KAT6A: variants seen among roughly 807,000 people sequenced by gnomAD.
KAT6A encodes the protein histone acetyltransferase KAT6A.
In KAT6A, 9 loss-of-function variants were observed where a neutral mutation model predicts 198.4. That is an observed-to-expected ratio of 0.05 (90% CI 0.03 to 0.08). The LOEUF is 0.08. KAT6A is among the 10% of genes least tolerant of loss of function. The pLI is 1.00. For synonymous variants in KAT6A, 890 were observed against 883.0 expected (o/e 1.01, Z -0.14); for missense variants, 2,077 against 2,509.9 (o/e 0.83, Z 3.69).
At position 41,967,462 on chromosome 8, in the gene KAT6A, A is replaced by G. The variant is rs1042300421; in HGVS notation, c.1482+7242T>C. Among the ~76,000 whole-genome samples the G allele has an allele frequency of 1.2e-4, 11 of 92,274 alleles. 1 individual carries two copies. The Admixed American group carries it at 1.7e-3, about 14-fold the overall frequency. The allele number at this position is 92,274 out of a possible 152,430, so 60.5% of individuals were successfully genotyped here. On this transcript the variant is annotated intron_variant, in intron 8 of 16. Coordinates refer to ENST00000265713, the MANE Select transcript of KAT6A (RefSeq NM_006766.5). ...CCCTCCTCCCTCCCCCCACCCCACA[A>G]CAGTCCTCAGAGTGTGATGTTCCCC...
At chr8:41,937,608 C>A (rs1246713622) in intron 15 of KAT6A, 40 bp from the exon 16 acceptor site, 2 of 1,417,330 alleles carry the variant, frequency 1.4e-6, no homozygotes, top group Admixed American at 2.2e-5. Context: ...GTTATGAACA[C>A]TATCTTTTCT....
chr8:42,034,707 T>C (rs1433488648), intron 2 of KAT6A, among the ~76,000 whole-genome samples: 1 of 152,184 alleles, frequency 6.6e-6, no homozygotes, highest in Non-Finnish European at 1.5e-5. Flanking sequence ...ACTGGCCATA[T>C]TGCAAGAGCT....
intron 8 of KAT6A, among the ~76,000 whole-genome samples, chr8:41,968,691 C>T (rs1172971670): frequency 6.6e-6 from 1 of 152,164 alleles, no homozygotes; most frequent in Non-Finnish European, 1.5e-5. Flanking sequence ...CTTCTTTCTA[C>T]TGACAGAGTC....
At chr8:41,939,754 G>A (rs1822013762) in intron 15 of KAT6A, among the ~76,000 whole-genome samples, 1 of 152,154 alleles carries the variant, frequency 6.6e-6, no homozygotes, top group South Asian at 2.1e-4. Flanking sequence ...GGAACCTAAA[G>A]ACACATGACT....
intron 8 of KAT6A, among the ~76,000 whole-genome samples, chr8:41,958,573 C>T (rs952855691): frequency 1.3e-5 from 2 of 152,100 alleles, no homozygotes; most frequent in African/African-American, 4.8e-5. Flanking sequence ...GCTACAAGTC[C>T]ACAAACTTTT....
chr8:42,036,436 C>T (rs543284328), intron 2 of KAT6A, among the ~76,000 whole-genome samples: 1 of 152,064 alleles, frequency 6.6e-6, no homozygotes, highest in African/African-American at 2.4e-5. Flanking sequence ...CATGATGAAA[C>T]CCCGTCTCCA....
intron 8 of KAT6A, among the ~76,000 whole-genome samples, chr8:41,970,298 T>C (rs1204262487): frequency 1.3e-5 from 2 of 152,174 alleles, no homozygotes; most frequent in African/African-American, 4.8e-5. Context: ...AGCTGTTTAT[T>C]TCCTTGGTGC....
Position 41,977,172 on chromosome 8 carries a change from A to C in KAT6A, c.1199T>G (p.Leu400Trp). The C allele has an allele frequency of 2.5e-6, 4 of 1,614,164 alleles. No individual in the cohort carries two copies. The highest frequency in any genetic ancestry group is 3.4e-6 in the Non-Finnish European group (4 of 1,180,010). ...CCCTTTGGTTTTCTTGTTGAACTTC[A>C]AGGAGACATTGCTATCTCTGCAGAA... Reference protein sequence around the residue: ...LDFCRDSNVSLKFNKKTKGLI... With the variant: ...LDFCRDSNVSWKFNKKTKGLI... Residue 400 changes from leucine (L) to tryptophan (W), a missense_variant, in exon 7 of 17, where the codon TTG (leucine) becomes TGG (tryptophan). By Grantham distance (61) the Leu-to-Trp change is moderately conservative (BLOSUM62 -2). Coordinates refer to ENST00000265713, the MANE Select transcript of KAT6A (RefSeq NM_006766.5).
intron 8 of KAT6A, chr8:41,958,177 G>C (rs540378204): frequency 6.6e-6 from 1 of 152,208 alleles, no homozygotes; most frequent in Non-Finnish European, 1.5e-5. Flanking sequence ...CATGATGAAA[G>C]AGGTATGAAA....
At chr8:41,981,011 G>C (rs2150889301) in intron 4 of KAT6A, 84 bp from the exon 5 acceptor site, 1 of 940,858 alleles carries the variant, frequency 1.1e-6, no homozygotes, top group South Asian at 1.3e-5. Flanking sequence ...AACCTAGAAA[G>C]CTTCAGGGAT....
chr8:41,982,566 A>T (rs1824414059), intron 3 of KAT6A, among the ~76,000 whole-genome samples: 1 of 152,186 alleles, frequency 6.6e-6, no homozygotes, highest in African/African-American at 2.4e-5. Flanking sequence ...TTTAAGCCGC[A>T]CACTGTTCTG....
At chr8:42,014,609 G>A (rs1236742939) in intron 2 of KAT6A, among the ~76,000 whole-genome samples, 1 of 152,152 alleles carries the variant, frequency 6.6e-6, no homozygotes, top group Non-Finnish European at 1.5e-5. Flanking sequence ...GGGGCAGCAG[G>A]TTACAGCAAT....
chr8:42,018,097 T>A (rs1014816626), intron 2 of KAT6A, among the ~76,000 whole-genome samples: 54 of 152,222 alleles, frequency 3.5e-4, no homozygotes, highest in Admixed American at 3.5e-3. Flanking sequence ...CAGTATTTAA[T>A]GTCACCTTTC....
At chr8:41,935,258 C>T (rs1240328402) in intron 16 of KAT6A, among the ~76,000 whole-genome samples, 1 of 152,146 alleles carries the variant, frequency 6.6e-6, no homozygotes, top group African/African-American at 2.4e-5. Flanking sequence ...GTTGTCTCTA[C>T]TAAAAGTTAC....
chr8:41,974,080 ATT>A (rs796541449), intron 8 of KAT6A, among the ~76,000 whole-genome samples: 1 of 146,392 alleles, frequency 6.8e-6, no homozygotes, highest in Admixed American at 6.9e-5. Context: ...AAGAATTGCA[ATT>A]TTTTTTTTTT....
rs771696360 is a variant in KAT6A at position 41,934,834 on chromosome 8, C to T, written c.3386G>A (p.Arg1129Gln). The T allele has an allele frequency of 2.6e-5, 42 of 1,611,762 alleles. No homozygotes were observed. Among genetic ancestry groups the T allele is most frequent in the South Asian group, 3.3e-5 (3 of 90,774 alleles). The change falls in exon 17 of 17, where the codon CGA becomes CAA. Residue 1129 changes from arginine to glutamine, a missense_variant. Arg to Gln is a conservative substitution (Grantham distance 43). Transcript: ENST00000265713. ...TPILKPVSLLRKRDVKNSPLE... is the reference protein window; with the variant it reads ...TPILKPVSLLQKRDVKNSPLE... ...AGGAGAATTCTTCACATCACGTTTT[C>T]GCAAAAGAGATACTGGCTTTAAGAT... is the stretch of plus-strand genomic sequence containing the variant.
At chr8:41,980,548 T>C (rs1824299582) in intron 5 of KAT6A, among the ~76,000 whole-genome samples, 1 of 152,146 alleles carries the variant, frequency 6.6e-6, no homozygotes, top group South Asian at 2.1e-4. Flanking sequence ...CAAGATATAT[T>C]TAAGGCAAGT....
At chr8:41,943,718 C>T in intron 13 of KAT6A, 30 bp downstream of exon 13, 1 of 1,512,018 alleles carries the variant, frequency 6.6e-7, no homozygotes, top group Non-Finnish European at 9.2e-7. Context: ...AATTATCTTT[C>T]AAAGGTATAC....
chr8:41,962,901 T>A (rs1277405843), intron 8 of KAT6A, among the ~76,000 whole-genome samples: 3 of 152,160 alleles, frequency 2.0e-5, no homozygotes, highest in Admixed American at 6.5e-5. Flanking sequence ...CCTGGAATGC[T>A]ATTCCCCCGT....
Sources: gnomAD v4.1 joint callset for allele counts (sites outside exome capture counted in the v4.1 genomes callset) on GRCh38, gnomAD v4.1.1 for gene constraint, MANE v1.5 for transcripts, NCBI Gene and HGNC (gene_info 2026-07-23, HGNC 2026-07-21) for gene names.